Variants in CLDN16 observed in about 807,000 individuals in gnomAD.
CLDN16 encodes claudin-16.
In CLDN16, 13 loss-of-function variants were observed where a neutral mutation model predicts 24.6. That is an observed-to-expected ratio of 0.53 (90% CI 0.34 to 0.84). The LOEUF is 0.84. Ranked by LOEUF, CLDN16 falls within the 40% of genes least tolerant of loss-of-function variation. The probability of loss-of-function intolerance (pLI) is 0.01; values close to 1 mark genes in which losing one functional copy is unlikely to be tolerated. For missense variants in CLDN16, 298 were observed against 292.7 expected (o/e 1.02, Z -0.13); for synonymous variants, 116 against 106.7 (o/e 1.09, Z -0.54).
At chr3:190,397,957 G>C (rs1376584995) in intron 1 of CLDN16, among the ~76,000 whole-genome samples, 1 of 152,186 alleles carries the variant, frequency 6.6e-6, no homozygotes, top group African/African-American at 2.4e-5. Flanking sequence ...TCTAAATAAT[G>C]TCATGTATGA....
intron 1 of CLDN16, among the ~76,000 whole-genome samples, chr3:190,325,755 T>C (rs1335331684): frequency 6.6e-6 from 1 of 152,172 alleles, no homozygotes; most frequent in African/African-American, 2.4e-5. Flanking sequence ...GATGTTAATT[T>C]TTTTGCTTAG....
chr3:190,385,521 A>C (rs1468778500), upstream of CLDN16, among the ~76,000 whole-genome samples: 1 of 152,088 alleles, frequency 6.6e-6, no homozygotes, highest in Non-Finnish European at 1.5e-5. Flanking sequence ...ACTCCCTATC[A>C]CATACAATGT....
At chr3:190,324,412 G>A (rs574476652) in intron 1 of CLDN16, among the ~76,000 whole-genome samples, 22 of 152,276 alleles carry the variant, frequency 1.4e-4, no homozygotes, top group African/African-American at 5.1e-4. Flanking sequence ...GAACCCGGGA[G>A]GCGGAGGTGG....
intron 1 of CLDN16, among the ~76,000 whole-genome samples, chr3:190,363,554 G>GCATATATATATA (rs10663299): frequency 0.011 from 865 of 81,262 alleles, 115 homozygotes; most frequent in East Asian, 0.019. Flanking sequence ...GTGTGTGTGT[G>GCATATATATATA]TGTATATATA....
intron 1 of CLDN16, among the ~76,000 whole-genome samples, chr3:190,331,068 A>C (rs912909657): frequency 3.3e-5 from 5 of 152,224 alleles, no homozygotes; most frequent in African/African-American, 1.2e-4. Context: ...TCCCACAGTT[A>C]GGAATGAATT....
upstream of CLDN16, among the ~76,000 whole-genome samples, chr3:190,386,077 T>G (rs1718490674): frequency 6.6e-6 from 1 of 152,142 alleles, no homozygotes; most frequent in African/African-American, 2.4e-5. Flanking sequence ...CTGTGTGAAA[T>G]GTCAGCAACA....
intron 1 of CLDN16, among the ~76,000 whole-genome samples, chr3:190,333,114 T>C (rs1480070847): frequency 6.6e-6 from 1 of 152,078 alleles, no homozygotes; most frequent in African/African-American, 2.4e-5. Flanking sequence ...CCCAACAAGG[T>C]TGATAAACAA....
chr3:190,374,269 T>TTGTGTG (rs3220823), intron 2 of CLDN16, among the ~76,000 whole-genome samples: 15,167 of 139,138 alleles, frequency 0.11, 919 homozygotes, highest in Middle Eastern at 0.19. Flanking sequence ...CTGAAAAACA[T>TTGTGTG]TGTGTGTGTG....
chr3:190,295,594 T>C, the CLDN16 span, among the ~76,000 whole-genome samples: 128 of 152,234 alleles, frequency 8.4e-4, no homozygotes, highest in South Asian at 3.5e-3. Flanking sequence ...TCACAGAGCA[T>C]TGGAAGCTGC....
intron 1 of CLDN16, among the ~76,000 whole-genome samples, chr3:190,367,097 G>A (rs1334168279): frequency 1.3e-5 from 2 of 151,828 alleles, no homozygotes; most frequent in Non-Finnish European, 2.9e-5. Flanking sequence ...AGTCGACACT[G>A]TTTTTCATAT....
chr3:190,386,727 A>C (rs1718507237), upstream of CLDN16, among the ~76,000 whole-genome samples: 1 of 152,188 alleles, frequency 6.6e-6, no homozygotes, highest in South Asian at 2.1e-4. Flanking sequence ...GTGGTACTGT[A>C]GACCCTATGT....
At chr3:190,387,169 T>C (rs1262375702), upstream of CLDN16, among the ~76,000 whole-genome samples, 1 of 152,190 alleles carries the variant, frequency 6.6e-6, no homozygotes, top group Admixed American at 6.5e-5. Flanking sequence ...TATTTTAGTA[T>C]ATAGAAGTCT....
intron 1 of CLDN16, among the ~76,000 whole-genome samples, chr3:190,390,536 A>G (rs958367582): frequency 5.3e-5 from 8 of 151,598 alleles, no homozygotes; most frequent in Non-Finnish European, 8.8e-5. Context: ...CCATCTTAAA[A>G]AAGAAGAAGA....
chr3:190,402,733 A>G (rs1718996297), intron 2 of CLDN16, among the ~76,000 whole-genome samples: 1 of 148,006 alleles, frequency 6.8e-6, no homozygotes, highest in African/African-American at 2.7e-5. Flanking sequence ...CTTACAGTAA[A>G]TGGTTTTTTA....
intron 1 of CLDN16, among the ~76,000 whole-genome samples, chr3:190,368,775 G>C (rs76893751): frequency 0.029 from 4,339 of 151,990 alleles, 97 homozygotes; most frequent in East Asian, 0.058. Flanking sequence ...GAAGAGGGTA[G>C]AGCATAAATA....
rs141150619 is a variant in CLDN16, at chr3:190,343,033, T to C, written n.121+20372T>C. On this transcript the variant is annotated intron_variant and non_coding_transcript_variant, in intron 1 of 4. Coordinates refer to the CLDN16 transcript ENST00000468220. ...ACAAAATGAAAAGACAACCTACGGA[T>C]TGGAAAAAATATTTGCAAATCATGT... Among the ~76,000 whole-genome samples, 567 of 152,148 alleles carry C rather than the reference T, an allele frequency of 3.7e-3. 5 individuals are homozygous for C. The highest frequency in any genetic ancestry group is 0.013 in the African/African-American group (540 of 41,516).
intron 1 of CLDN16, among the ~76,000 whole-genome samples, chr3:190,332,215 T>C (rs1012500028): frequency 2.6e-5 from 4 of 152,182 alleles, no homozygotes; most frequent in Admixed American, 6.5e-5. Flanking sequence ...GAGTAAATAT[T>C]TTATGAAGTA....
upstream of CLDN16, chr3:190,322,404 G>T (rs1560077520): frequency 3.3e-6 from 2 of 610,784 alleles, no homozygotes; most frequent in East Asian, 5.5e-5. Flanking sequence ...CTGGAGTCTG[G>T]ATACTAGAAG....
intron 2 of CLDN16, chr3:190,371,070 A>C (rs1718131987): frequency 1.0e-5 from 1 of 96,528 alleles, no homozygotes; most frequent in African/African-American, 4.3e-5. Context: ...AATTTATATA[A>C]ACAAATATAA....
Sources: allele counts gnomAD v4.1 joint callset (sites outside exome capture counted in the v4.1 genomes callset), GRCh38; gene constraint gnomAD v4.1.1; transcripts MANE v1.5; gene names NCBI Gene and HGNC (gene_info 2026-07-23, HGNC 2026-07-21).